Variants in C1orf21 observed in about 807,000 individuals in gnomAD.
C1orf21 encodes uncharacterized protein C1orf21.
C1orf21 carries 3 observed loss-of-function variants against 18.7 expected under a neutral mutation model. That is an observed-to-expected ratio of 0.16 (90% confidence interval 0.07 to 0.42). The LOEUF is 0.42. C1orf21 is among the 10% of genes least tolerant of loss of function. The pLI is 0.99. For missense variants in C1orf21, 104 were observed against 143.6 expected, an observed-to-expected ratio of 0.72 and a Z score of 1.41; for synonymous variants, 41 against 46.4, an observed-to-expected ratio of 0.88 and a Z score of 0.47.
intron 3 of C1orf21, among the ~76,000 whole-genome samples, chr1:184,529,455 C>T (rs534560370): frequency 5.6e-4 from 85 of 152,210 alleles, no homozygotes; most frequent in African/African-American, 1.9e-3. Flanking sequence ...TCTTGGCTGT[C>T]AAGATATTTT....
intron 3 of C1orf21, among the ~76,000 whole-genome samples, chr1:184,524,312 A>G (rs1372360439): frequency 6.6e-6 from 1 of 152,174 alleles, no homozygotes; most frequent in East Asian, 1.9e-4. Context: ...GAAAAAAATT[A>G]GAACTAAAGA....
chr1:184,580,205 A>G (rs1558007566), intron 3 of C1orf21, among the ~76,000 whole-genome samples: 2 of 152,338 alleles, frequency 1.3e-5, no homozygotes, highest in South Asian at 2.1e-4. Context: ...TCCTCTTGGT[A>G]GCCATCACTT....
chr1:184,616,542 C>T (rs1363441157), intron 5 of C1orf21, among the ~76,000 whole-genome samples: 1 of 152,174 alleles, frequency 6.6e-6, no homozygotes, highest in Admixed American at 6.5e-5. Context: ...TTGTATTTGT[C>T]CCTCAAAAGG....
intron 1 of C1orf21, among the ~76,000 whole-genome samples, chr1:184,429,894 G>A (rs1656706749): frequency 6.6e-6 from 1 of 151,952 alleles, no homozygotes; most frequent in Non-Finnish European, 1.5e-5. Context: ...GGATCATGAG[G>A]TCAGAAGATC....
intron 5 of C1orf21, among the ~76,000 whole-genome samples, chr1:184,600,633 A>G (rs1659573887): frequency 6.6e-6 from 1 of 152,234 alleles, no homozygotes; most frequent in Non-Finnish European, 1.5e-5. Flanking sequence ...AAAGTTTATA[A>G]CTTGATCATT....
chr1:184,428,840 C>CT (rs1557969980), intron 1 of C1orf21, among the ~76,000 whole-genome samples: 1 of 152,108 alleles, frequency 6.6e-6, no homozygotes, highest in African/African-American at 2.4e-5. Context: ...GATTTTGTTG[C>CT]TTTTCTGAGG....
intron 1 of C1orf21, among the ~76,000 whole-genome samples, chr1:184,470,232 T>C (rs928065733): frequency 6.6e-6 from 1 of 152,206 alleles, no homozygotes; most frequent in African/African-American, 2.4e-5. Flanking sequence ...TTTCACCCAG[T>C]GCTCATGAAA....
chr1:184,430,790 A>G (rs1300220314), intron 1 of C1orf21, among the ~76,000 whole-genome samples: 1 of 152,206 alleles, frequency 6.6e-6, no homozygotes, highest in Non-Finnish European at 1.5e-5. Flanking sequence ...GTTCCATATT[A>G]AATTTAAAGT....
At chr1:184,537,347 T>A (rs1658572862) in intron 3 of C1orf21, among the ~76,000 whole-genome samples, 1 of 152,220 alleles carries the variant, frequency 6.6e-6, no homozygotes, top group Admixed American at 6.5e-5. Context: ...CTCTATAGTT[T>A]TAACTACTCT....
At chr1:184,483,915 C>A (rs191187643) in intron 2 of C1orf21, among the ~76,000 whole-genome samples, 1 of 7,848 alleles carries the variant, frequency 1.3e-4, no homozygotes, top group African/African-American at 3.9e-4. Flanking sequence ...GTGTGTGGGG[C>A]GGGGGTGGGG....
intron 2 of C1orf21, among the ~76,000 whole-genome samples, chr1:184,503,529 G>A (rs932350723): frequency 2.0e-5 from 3 of 152,156 alleles, no homozygotes; most frequent in East Asian, 3.9e-4. Flanking sequence ...TCCCTGCATC[G>A]CTTAGTACAG....
In C1orf21 at chr1:184,625,204, G is replaced by C. The variant is rs1410638222; in HGVS notation, c.*5648G>C. 1 of 152,222 alleles carries C rather than the reference G, an allele frequency of 6.6e-6. No homozygotes were observed. Among genetic ancestry groups the C allele is most frequent in the Non-Finnish European group, 1.5e-5 (1 of 68,064 alleles). 9.4% of individuals were successfully genotyped at this position (152,222 alleles called of 1,614,324 possible). A position where few individuals can be genotyped will look rare whatever the true frequency, so the allele number is the denominator to read the frequency against. Reference sequence around the variant, plus strand: ...TTAGCCCAAGGCTTTGAATTTGATTGAGTAAGACTTAGAGGCAGTATAAAG... The same window carrying C: ...TTAGCCCAAGGCTTTGAATTTGATTCAGTAAGACTTAGAGGCAGTATAAAG... On this transcript the variant is annotated 3_prime_UTR_variant, in exon 6 of 6. Coordinates refer to ENST00000235307, the MANE Select transcript of C1orf21 (RefSeq NM_030806.4).
At chr1:184,604,281 C>A (rs1460160811) in intron 5 of C1orf21, among the ~76,000 whole-genome samples, 1 of 152,110 alleles carries the variant, frequency 6.6e-6, no homozygotes, top group African/African-American at 2.4e-5. Context: ...ACTGTCACGT[C>A]AAAACCTAAA....
intron 1 of C1orf21, among the ~76,000 whole-genome samples, chr1:184,430,060 C>T (rs369245598): frequency 6.8e-6 from 1 of 148,116 alleles, no homozygotes; most frequent in East Asian, 2.0e-4. Flanking sequence ...TGCAGTGAGC[C>T]GAGATCACCC....
chr1:184,410,666 T>TATATATATATATAATATATATATATATA (rs1656335785), intron 1 of C1orf21, among the ~76,000 whole-genome samples: 1 of 35,430 alleles, frequency 2.8e-5, no homozygotes, highest in African/African-American at 7.5e-4. Flanking sequence ...TATATATATT[T>TATATATATATATAATATATATATATATA]TTTTTTTTTT....
chr1:184,515,655 T>C (rs4651215), intron 3 of C1orf21, among the ~76,000 whole-genome samples: 25,216 of 152,212 alleles, frequency 0.17, 2,405 homozygotes, highest in Admixed American at 0.29. Context: ...AAACATCATT[T>C]AAGGAAAATA....
intron 5 of C1orf21, among the ~76,000 whole-genome samples, chr1:184,616,636 G>A (rs945511238): frequency 6.6e-5 from 10 of 152,180 alleles, no homozygotes; most frequent in Admixed American, 2.0e-4. Flanking sequence ...TGAAGACAAT[G>A]AGAACACCAC....
intron 3 of C1orf21, among the ~76,000 whole-genome samples, chr1:184,523,465 GAAACAAGGAAAATCTGAGAAACTGTC>G (rs1262541238): frequency 1.3e-5 from 2 of 152,122 alleles, no homozygotes; most frequent in Admixed American, 1.3e-4. Flanking sequence ...AAGGTCATCA[GAAACAAGGAAAATCTGAGAAACTGTC>G]ACAGCCAAAA....
chr1:184,509,081 G>A (rs1193284105), intron 3 of C1orf21, among the ~76,000 whole-genome samples: 1 of 152,162 alleles, frequency 6.6e-6, no homozygotes, highest in Non-Finnish European at 1.5e-5. Flanking sequence ...GTAGAGGCTA[G>A]AGAGCTACTT....
Sources: gnomAD v4.1 joint callset for allele counts (sites outside exome capture counted in the v4.1 genomes callset) on GRCh38, gnomAD v4.1.1 for gene constraint, MANE v1.5 for transcripts, NCBI Gene and HGNC (gene_info 2026-07-23, HGNC 2026-07-21) for gene names.